The following RALYL variants were observed in gnomAD, a reference collection of about 807,000 sequenced individuals.
RALYL encodes the protein RNA-binding Raly-like protein.
RALYL carries 29 observed loss-of-function variants against 35.1 expected under a neutral mutation model. That is an observed-to-expected ratio of 0.83 (90% CI 0.61 to 1.13). RALYL has a LOEUF of 1.13. Among genes scored for constraint, RALYL ranks in the 50% most tolerant of loss-of-function variants. RALYL has a pLI of 0.00. For synonymous variants in RALYL, 120 were observed against 127.6 expected (o/e 0.94, Z 0.40); for missense variants, 359 against 360.4 (o/e 1.00, Z 0.03).
chr8:84,536,898 A>C (rs996594429), intron 2 of RALYL, among the ~76,000 whole-genome samples: 3 of 152,078 alleles, frequency 2.0e-5, no homozygotes, highest in Non-Finnish European at 2.9e-5. Context: ...TGAATATGTA[A>C]ATCTTGGAAT....
chr8:84,216,087 G>T (rs1035513084), intron 1 of RALYL, among the ~76,000 whole-genome samples: 1 of 152,056 alleles, frequency 6.6e-6, no homozygotes, highest in African/African-American at 2.4e-5. Context: ...CCTCTTTTCA[G>T]TATGCTGTGA....
intron 3 of RALYL, among the ~76,000 whole-genome samples, chr8:84,804,207 T>C (rs1400402242): frequency 6.6e-6 from 1 of 152,166 alleles, no homozygotes; most frequent in Non-Finnish European, 1.5e-5. Flanking sequence ...GACTTTCCCT[T>C]TGAGATATTG....
chr8:84,617,853 T>A (rs1820190702), intron 2 of RALYL, among the ~76,000 whole-genome samples: 1 of 151,812 alleles, frequency 6.6e-6, no homozygotes, highest in Non-Finnish European at 1.5e-5. Flanking sequence ...GAGATAATCA[T>A]GTGGTTTTTG....
At chr8:84,240,911 C>T (rs1208320981) in intron 1 of RALYL, among the ~76,000 whole-genome samples, 1 of 152,078 alleles carries the variant, frequency 6.6e-6, no homozygotes, top group East Asian at 1.9e-4. Context: ...GGTTTATAAA[C>T]AGAGTCAGCA....
chr8:84,807,422 G>A (rs1188385027), intron 4 of RALYL, among the ~76,000 whole-genome samples: 1 of 152,076 alleles, frequency 6.6e-6, no homozygotes, highest in African/African-American at 2.4e-5. Flanking sequence ...TTGATTGTTG[G>A]GCATTTGGGT....
chr8:84,652,266 C>T (rs1829004918), intron 2 of RALYL, among the ~76,000 whole-genome samples: 3 of 152,070 alleles, frequency 2.0e-5, no homozygotes, highest in South Asian at 2.1e-4. Flanking sequence ...GAAATTATCT[C>T]TCTATTATAA....
intron 2 of RALYL, among the ~76,000 whole-genome samples, chr8:84,718,060 G>T (rs1370835312): frequency 6.6e-6 from 1 of 152,028 alleles, no homozygotes; most frequent in Non-Finnish European, 1.5e-5. Flanking sequence ...TCCCCTATGG[G>T]TATTTGTCAT....
intron 1 of RALYL, among the ~76,000 whole-genome samples, chr8:84,475,977 G>A (rs1451522407): frequency 6.6e-6 from 1 of 152,146 alleles, no homozygotes; most frequent in Non-Finnish European, 1.5e-5. Context: ...GAGGTCAGAA[G>A]GATTATAGTA....
At chr8:84,516,017 G>C (rs964409230) in intron 1 of RALYL, among the ~76,000 whole-genome samples, 1 of 151,136 alleles carries the variant, frequency 6.6e-6, no homozygotes, top group Non-Finnish European at 1.5e-5. Context: ...GTCGGGGGCA[G>C]GGTAGGGGGC....
chr8:84,593,480 T>C (rs1813779953), intron 2 of RALYL, among the ~76,000 whole-genome samples: 1 of 152,074 alleles, frequency 6.6e-6, no homozygotes, highest in South Asian at 2.1e-4. Flanking sequence ...TCAATTGGCT[T>C]TTGTCCAGTA....
At chr8:84,431,939 C>A (rs2047189935) in intron 1 of RALYL, among the ~76,000 whole-genome samples, 1 of 152,048 alleles carries the variant, frequency 6.6e-6, no homozygotes, top group Non-Finnish European at 1.5e-5. Context: ...AGAAAACAAG[C>A]ATTGGTAAGA....
intron 8 of RALYL, among the ~76,000 whole-genome samples, chr8:84,914,119 A>G (rs1848040775): frequency 6.6e-6 from 1 of 152,044 alleles, no homozygotes; most frequent in Non-Finnish European, 1.5e-5. Flanking sequence ...TTGGCTATAA[A>G]ATGATTTTTA....
chr8:84,725,538 A>G (rs1349357922), intron 2 of RALYL, among the ~76,000 whole-genome samples: 1 of 151,776 alleles, frequency 6.6e-6, no homozygotes, highest in Non-Finnish European at 1.5e-5. Flanking sequence ...ATCTGTTCAC[A>G]CATAGAAGAA....
chr8:84,476,828 T>A (rs927344824), intron 1 of RALYL, among the ~76,000 whole-genome samples: 4 of 152,154 alleles, frequency 2.6e-5, no homozygotes, highest in East Asian at 3.8e-4. Context: ...TTAATTCAAT[T>A]GTGAATATTT....
rs190567104 is a variant in RALYL at position 84,643,198 on chromosome 8, C to T, written c.256+113621C>T. The stretch of plus-strand genomic sequence containing the variant: ...TCAGTTTCAAACAGTCCCCCCACCC[C>T]CAAAAGTCAGCTGAGTCTGAACCAA... On this transcript the variant is annotated intron_variant, in intron 2 of 8. Coordinates refer to ENST00000521268, the MANE Select transcript of RALYL (RefSeq NM_173848.7). 4.7e-4 allele frequency among the ~76,000 whole-genome samples: 71 copies of T among 151,946 alleles called. 1 individual carries two copies. Among genetic ancestry groups the T allele is most frequent in the Middle Eastern group, 3.4e-3 (1 of 294 alleles).
intron 1 of RALYL, among the ~76,000 whole-genome samples, chr8:84,269,165 A>G (rs190261212): frequency 1.2e-3 from 182 of 152,268 alleles, no homozygotes; most frequent in African/African-American, 4.2e-3. Flanking sequence ...CTTATTTTAC[A>G]CTATTGAAAT....
At chr8:84,779,030 A>G (rs1174379284) in intron 3 of RALYL, among the ~76,000 whole-genome samples, 2 of 152,238 alleles carry the variant, frequency 1.3e-5, no homozygotes, top group African/African-American at 4.8e-5. Flanking sequence ...ATTAGAGTCT[A>G]TTTGTAAATG....
chr8:84,609,003 A>C (rs1467479368), intron 2 of RALYL, among the ~76,000 whole-genome samples: 1 of 152,090 alleles, frequency 6.6e-6, no homozygotes, highest in African/African-American at 2.4e-5. Flanking sequence ...CCAATCCCAC[A>C]GCTAGTGCAA....
rs115589032 is a variant in RALYL at position 84,519,551 on chromosome 8, G to A, written c.-23-9748G>A. Among the ~76,000 whole-genome samples the A allele has an allele frequency of 4.8e-3, 731 of 152,278 alleles. 7 individuals are homozygous for A. The highest frequency in any genetic ancestry group is 0.016 in the African/African-American group (682 of 41,534). ...AAAGAAGTGAAACCCTTCCCTCACT[G>A]CTGTAAGTGAATGAGTATTTCATAA... On this transcript the variant is annotated intron_variant, in intron 1 of 8. Coordinates refer to ENST00000521268, the MANE Select transcript of RALYL (RefSeq NM_173848.7).
Sources: allele counts gnomAD v4.1 joint callset (sites outside exome capture counted in the v4.1 genomes callset), GRCh38; gene constraint gnomAD v4.1.1; transcripts MANE v1.5; gene names NCBI Gene and HGNC (gene_info 2026-07-23, HGNC 2026-07-21).